The following NMNAT3 variants were observed in gnomAD, a reference collection of about 807,000 sequenced individuals.
The protein encoded by NMNAT3 is nicotinamide nucleotide adenylyltransferase 3.
A neutral mutation model predicts 24.8 loss-of-function variants in NMNAT3; 21 were observed. That is an observed-to-expected ratio of 0.85 (90% CI 0.60 to 1.22). The LOEUF (loss-of-function observed/expected upper bound fraction) is 1.22, where lower values mean the gene tolerates loss of function less well. Ranked by LOEUF, NMNAT3 falls within the 50% of genes most tolerant of loss-of-function variation. NMNAT3 has a pLI of 0.00. For synonymous variants in NMNAT3, 136 were observed against 155.2 expected (o/e 0.88, Z 0.92); for missense variants, 387 against 436.6 (o/e 0.89, Z 1.01).
intron 2 of NMNAT3, among the ~76,000 whole-genome samples, chr3:139,632,933 C>T (rs1299928718): frequency 1.3e-5 from 2 of 152,082 alleles, no homozygotes; most frequent in Non-Finnish European, 2.9e-5. Context: ...TCAGTTTTAT[C>T]ATGAAGGCCC....
At chr3:139,590,672 A>G (rs1371336734) in intron 3 of NMNAT3, among the ~76,000 whole-genome samples, 1 of 152,116 alleles carries the variant, frequency 6.6e-6, no homozygotes, top group African/African-American at 2.4e-5. Context: ...GATATATAAA[A>G]TAAGCTTAAA....
At chr3:139,645,312 T>C (rs924920591) in intron 1 of NMNAT3, among the ~76,000 whole-genome samples, 7 of 152,196 alleles carry the variant, frequency 4.6e-5, no homozygotes, top group African/African-American at 1.7e-4. Flanking sequence ...GTCTAGATAC[T>C]GATTAAAGTT....
intron 1 of NMNAT3, among the ~76,000 whole-genome samples, chr3:139,657,360 C>T (rs190381285): frequency 2.6e-5 from 4 of 152,392 alleles, no homozygotes; most frequent in African/African-American, 7.2e-5. Flanking sequence ...AATTGTTCTT[C>T]TTCCTGTGTA....
chr3:139,587,244 G>T (rs1158947118), intron 3 of NMNAT3, among the ~76,000 whole-genome samples: 1 of 152,300 alleles, frequency 6.6e-6, no homozygotes, highest in Middle Eastern at 3.4e-3. Flanking sequence ...AGTGAAGGAG[G>T]CTGAGAATTA....
intron 3 of NMNAT3, among the ~76,000 whole-genome samples, chr3:139,600,085 A>G (rs1386854235): frequency 7.9e-5 from 12 of 152,268 alleles, no homozygotes; most frequent in African/African-American, 2.9e-4. Context: ...GTGTGTGAAG[A>G]GTCTTCCTTT....
At chr3:139,653,530 G>A (rs1306025810) in intron 1 of NMNAT3, among the ~76,000 whole-genome samples, 1 of 152,142 alleles carries the variant, frequency 6.6e-6, no homozygotes, top group African/African-American at 2.4e-5. Context: ...AGCAAATACA[G>A]CCAGCACTGA....
intron 3 of NMNAT3, among the ~76,000 whole-genome samples, chr3:139,591,123 G>C (rs576847359): frequency 3.3e-5 from 5 of 151,148 alleles, no homozygotes; most frequent in African/African-American, 1.2e-4. Context: ...CACCGTGCGC[G>C]AGCCGAAGCA....
chr3:139,590,318 A>G (rs1308334426), intron 3 of NMNAT3, among the ~76,000 whole-genome samples: 1 of 152,250 alleles, frequency 6.6e-6, no homozygotes, highest in Non-Finnish European at 1.5e-5. Context: ...CACTATTTAC[A>G]TAGACATAAA....
At chr3:139,614,449 TGA>T (rs940866899) in intron 3 of NMNAT3, among the ~76,000 whole-genome samples, 1 of 152,230 alleles carries the variant, frequency 6.6e-6, no homozygotes, top group Admixed American at 6.5e-5. Flanking sequence ...CACAAGGCAG[TGA>T]GAGAGACACT....
intron 1 of NMNAT3, among the ~76,000 whole-genome samples, chr3:139,673,234 C>A (rs1175469375): frequency 6.6e-6 from 1 of 152,108 alleles, no homozygotes; most frequent in African/African-American, 2.4e-5. Context: ...GAGCTGGATC[C>A]CTGTTTGCTG....
chr3:139,630,857 G>A (rs1040784785), intron 2 of NMNAT3, among the ~76,000 whole-genome samples: 5 of 152,062 alleles, frequency 3.3e-5, no homozygotes, highest in Non-Finnish European at 4.4e-5. Flanking sequence ...GAGCAGCCTC[G>A]TGATGACTGT....
intron 2 of NMNAT3, among the ~76,000 whole-genome samples, chr3:139,633,674 G>T (rs939428708): frequency 6.6e-6 from 1 of 152,154 alleles, no homozygotes; most frequent in African/African-American, 2.4e-5. Flanking sequence ...AAGGCACAGC[G>T]CTGCGAAGGC....
intron 1 of NMNAT3, among the ~76,000 whole-genome samples, chr3:139,672,310 G>A (rs1335796314): frequency 6.6e-6 from 1 of 152,184 alleles, no homozygotes. Context: ...ATGGAAGGGG[G>A]AAGGCAGGAA....
intron 3 of NMNAT3, among the ~76,000 whole-genome samples, chr3:139,602,562 G>A (rs1043156494): frequency 6.6e-6 from 1 of 152,152 alleles, no homozygotes; most frequent in African/African-American, 2.4e-5. Flanking sequence ...CTGGCAGTGA[G>A]GTTTAGGCAC....
chr3:139,565,973 C>A (rs1240288781), intron 6 of NMNAT3: 1 of 152,134 alleles, frequency 6.6e-6, no homozygotes, highest in African/African-American at 2.4e-5. Context: ...GTTTACAGTC[C>A]CACCAAAGTG....
chr3:139,571,149 A>C (rs1207494962), intron 6 of NMNAT3: 1 of 152,314 alleles, frequency 6.6e-6, no homozygotes, highest in African/African-American at 2.4e-5. Context: ...CCTCCGAGCC[A>C]TGTGTGGGAT....
At chr3:139,624,779 T>C (rs918480526) in intron 3 of NMNAT3, among the ~76,000 whole-genome samples, 1 of 152,158 alleles carries the variant, frequency 6.6e-6, no homozygotes, top group Non-Finnish European at 1.5e-5. Flanking sequence ...GAATATGGCT[T>C]ATTTTGGTAA....
intron 3 of NMNAT3, among the ~76,000 whole-genome samples, chr3:139,610,893 T>G (rs2055180889): frequency 6.6e-6 from 1 of 152,218 alleles, no homozygotes; most frequent in African/African-American, 2.4e-5. Context: ...TGATAAGACA[T>G]TTTTATTTAA....
Position 139,583,187 on chromosome 3 carries a change from T to C in NMNAT3, c.131A>G (p.Glu44Gly). 8.1e-7 allele frequency: 1 copy of C among 1,227,356 alleles called. No homozygotes were observed. The highest frequency in any genetic ancestry group is 1.2e-6 in the Non-Finnish European group (1 of 835,246). 76.0% of individuals were successfully genotyped at this position (1,227,356 alleles called of 1,614,324 possible). ...AGGTCCAGGAAAAACAAGTGCAACT[T>C]CATGGTCCTTTTCTTCATATTCTGG... The change falls in exon 4 of 7, where the codon GAA (glutamate) becomes GGA (glycine). Residue 44 changes from glutamate to glycine, a missense_variant. Transcript: ENST00000643695.
Sources: allele counts gnomAD v4.1 joint callset (sites outside exome capture counted in the v4.1 genomes callset), GRCh38; gene constraint gnomAD v4.1.1; transcripts MANE v1.5; gene names NCBI Gene and HGNC (gene_info 2026-07-23, HGNC 2026-07-21).